Variants in TFG observed in about 807,000 individuals in gnomAD.
The protein encoded by TFG is protein TFG.
TFG carries 22 observed loss-of-function variants against 51.4 expected under a neutral mutation model. The observed-to-expected ratio is 0.43, with a 90% confidence interval of 0.31 to 0.61. The LOEUF (loss-of-function observed/expected upper bound fraction) is 0.61, where lower values mean the gene tolerates loss of function less well. Ranked by LOEUF, TFG falls within the 20% of genes least tolerant of loss-of-function variation. TFG has a pLI of 0.12. For missense variants in TFG, 419 were observed against 487.7 expected, an observed-to-expected ratio of 0.86 and a Z score of 1.33; for synonymous variants, 187 against 165.6, an observed-to-expected ratio of 1.13 and a Z score of -0.99.
chr3:100,721,505 T>C (rs558483062), intron 3 of TFG, among the ~76,000 whole-genome samples: 2 of 152,330 alleles, frequency 1.3e-5, no homozygotes, highest in African/African-American at 2.4e-5. Context: ...TTAACTCTTA[T>C]ACCTTGGGCC....
chr3:100,723,401 TAGAAC>T (rs766739527), intron 3 of TFG, among the ~76,000 whole-genome samples: 2 of 152,018 alleles, frequency 1.3e-5, no homozygotes, highest in African/African-American at 2.4e-5. Flanking sequence ...GCTCAATAGA[TAGAAC>T]AGAATACTAA....
At chr3:100,733,336 T>TC (rs1389576312) in intron 5 of TFG, among the ~76,000 whole-genome samples, 1 of 152,218 alleles carries the variant, frequency 6.6e-6, no homozygotes, top group African/African-American at 2.4e-5. Context: ...GTTGAACTCT[T>TC]CAAGGTCGCT....
At chr3:100,729,176 GT>G (rs2095084485) in intron 4 of TFG, among the ~76,000 whole-genome samples, 1 of 152,132 alleles carries the variant, frequency 6.6e-6, no homozygotes, top group African/African-American at 2.4e-5. Context: ...ACACAGGTCA[GT>G]TTTCAAATCC....
At chr3:100,736,501 C>T (rs2095106662) in intron 5 of TFG, 75 bp from the exon 6 acceptor site, 3 of 1,532,540 alleles carry the variant, frequency 2.0e-6, no homozygotes, top group East Asian at 2.3e-5. Flanking sequence ...TATCTTTTAA[C>T]CAAACTTATT....
At chr3:100,732,464 G>T in intron 4 of TFG, 44 bp from the exon 5 acceptor site, 1 of 1,489,654 alleles carries the variant, frequency 6.7e-7, no homozygotes, top group Non-Finnish European at 9.2e-7. Flanking sequence ...ACTGAATATA[G>T]ATAAAAAGGA....
chr3:100,733,593 T>A lies in TFG; in HGVS notation c.580+921T>A, dbSNP rs759966634. Among the ~76,000 whole-genome samples, 18 of 152,300 alleles carry A rather than the reference T, an allele frequency of 1.2e-4. 1 individual carries two copies. Among genetic ancestry groups the A allele is most frequent in the Non-Finnish European group, 2.2e-4 (15 of 68,016 alleles). On this transcript the variant is annotated intron_variant, in intron 5 of 7. Coordinates refer to ENST00000240851, the MANE Select transcript of TFG (RefSeq NM_006070.6). ...TGGACCCATTTGGAGTCAGTTTCTA[T>A]TGACTGGGTTCCTCTCCCCCACACA...
chr3:100,713,113 AAGC>A (rs2095035452), intron 1 of TFG, among the ~76,000 whole-genome samples: 1 of 152,218 alleles, frequency 6.6e-6, no homozygotes, highest in Non-Finnish European at 1.5e-5. Context: ...CAAAGGTAAA[AAGC>A]AGGCAGACTG....
At chr3:100,716,125 T>C (rs1393481759) in intron 2 of TFG, among the ~76,000 whole-genome samples, 1 of 152,196 alleles carries the variant, frequency 6.6e-6, no homozygotes, top group Admixed American at 6.5e-5. Context: ...TATTGTTAAC[T>C]GTAGTCATCC....
intron 3 of TFG, 28 bp downstream of exon 3, chr3:100,720,086 A>G: frequency 7.3e-7 from 1 of 1,361,000 alleles, no homozygotes. Context: ...TAATGAATTT[A>G]CTATTTTATT....
chr3:100,728,187 T>G (rs1224673722), intron 3 of TFG, among the ~76,000 whole-genome samples: 2 of 151,852 alleles, frequency 1.3e-5, no homozygotes, highest in Non-Finnish European at 2.9e-5. Flanking sequence ...TAGTTAGCTG[T>G]TTTTTTTCAA....
Position 100,732,818 on chromosome 3 carries a change from T to G in TFG, c.580+146T>G, listed in dbSNP as rs1576369740. 1.6e-5 allele frequency: 10 copies of G among 609,892 alleles called. No homozygotes were observed. In the East Asian group the frequency reaches 3.0e-4, roughly 18 times the overall value. The allele number at this position is 609,892 out of a possible 1,614,324, so 37.8% of individuals were successfully genotyped here. A position where few individuals can be genotyped will look rare whatever the true frequency, so the allele number is the denominator to read the frequency against. ...TCTGCTTAACAAATTTTTACATATG[T>G]GTACACTTATGTAAAAGACTAACTA... On this transcript the variant is annotated intron_variant, in intron 5 of 7. Transcript: ENST00000240851.
intron 4 of TFG, among the ~76,000 whole-genome samples, chr3:100,731,666 C>T (rs761558908): frequency 3.9e-5 from 6 of 152,106 alleles, no homozygotes; most frequent in East Asian, 1.9e-4. Flanking sequence ...AAGTGATTCT[C>T]GTGACTCAGC....
chr3:100,717,951 G>T (rs1207364062), intron 2 of TFG, among the ~76,000 whole-genome samples: 1 of 151,942 alleles, frequency 6.6e-6, no homozygotes, highest in Non-Finnish European at 1.5e-5. Context: ...TTGAGACAGG[G>T]TCTTGCTCTG....
intron 5 of TFG, among the ~76,000 whole-genome samples, chr3:100,736,250 A>G (rs897726709): frequency 5.3e-5 from 8 of 152,110 alleles, no homozygotes; most frequent in Admixed American, 3.3e-4. Flanking sequence ...TGAAGTGACA[A>G]TTTTGGTTCC....
chr3:100,736,160 G>A (rs1215203603), intron 5 of TFG, among the ~76,000 whole-genome samples: 2 of 152,128 alleles, frequency 1.3e-5, no homozygotes, highest in Non-Finnish European at 2.9e-5. Context: ...AAGAGAAATT[G>A]TGAGAAATAA....
At chr3:100,742,117 T>C (rs2095122944) in intron 6 of TFG, among the ~76,000 whole-genome samples, 1 of 152,228 alleles carries the variant, frequency 6.6e-6, no homozygotes, top group Non-Finnish European at 1.5e-5. Flanking sequence ...CCTTTTTCTT[T>C]TTTTAAACAA....
chr3:100,738,754 A>T (rs1244998145), intron 6 of TFG, among the ~76,000 whole-genome samples: 1 of 152,224 alleles, frequency 6.6e-6, no homozygotes, highest in African/African-American at 2.4e-5. Context: ...TAAACTATTA[A>T]TAACTGATCT....
chr3:100,719,766 T>C (rs1356270635), intron 2 of TFG, among the ~76,000 whole-genome samples: 1 of 152,194 alleles, frequency 6.6e-6, no homozygotes, highest in Admixed American at 6.5e-5. Context: ...GTAAATACCT[T>C]GCCATAAGAG....
At chr3:100,724,020 A>G (rs976834705) in intron 3 of TFG, among the ~76,000 whole-genome samples, 2 of 152,202 alleles carry the variant, frequency 1.3e-5, no homozygotes, top group African/African-American at 4.8e-5. Flanking sequence ...ATGGTTTTAA[A>G]TAAGTCAAAG....
Sources: allele counts gnomAD v4.1 joint callset (sites outside exome capture counted in the v4.1 genomes callset), GRCh38; gene constraint gnomAD v4.1.1; transcripts MANE v1.5; gene names NCBI Gene and HGNC (gene_info 2026-07-23, HGNC 2026-07-21).